BRCA2: variants seen among roughly 807,000 people sequenced by gnomAD.
The protein encoded by BRCA2 is BRCA2 DNA repair associated.
In BRCA2, 203 loss-of-function variants were observed where a neutral mutation model predicts 276.7. That is an observed-to-expected ratio of 0.73 (90% CI 0.65 to 0.82). The LOEUF is 0.82. BRCA2 is among the 40% of genes least tolerant of loss of function. The pLI is 0.00. For missense variants in BRCA2, 3,920 were observed against 3,915.0 expected, an observed-to-expected ratio of 1.00 and a Z score of -0.03; for synonymous variants, 1,289 against 1,338.4, an observed-to-expected ratio of 0.96 and a Z score of 0.81.
intron 10 of BRCA2, 83 bp from the exon 11 acceptor site, chr13:32,336,182 C>G (rs2137481264): frequency 2.1e-6 from 3 of 1,451,264 alleles, no homozygotes; most frequent in Non-Finnish European, 2.8e-6. Flanking sequence ...TGCCCAAACA[C>G]TACCTTTTTA....
rs1566219495 is a variant in BRCA2, at chr13:32,326,696, T to C, written c.631+83T>C. On this transcript the variant is annotated intron_variant, in intron 7 of 26. Transcript: ENST00000380152. ...CTCTAATACTTCTGTTAAAAGGAAA[T>C]ATGAAAAGAAAATATTAGATAATGT... 4 of 1,047,570 alleles carry C rather than the reference T, an allele frequency of 3.8e-6. No individual in the cohort carries two copies. The African/African-American group carries it at 4.8e-5, about 13-fold the overall frequency. 64.9% of individuals were successfully genotyped at this position (1,047,570 alleles called of 1,614,324 possible).
chr13:32,356,631 T>G (rs1229109544), intron 15 of BRCA2, 22 bp downstream of exon 15: 1 of 1,611,608 alleles, frequency 6.2e-7, no homozygotes, highest in Non-Finnish European at 8.5e-7. Flanking sequence ...TCTACAATAC[T>G]GATGGCTTTT....
rs2137582491 is a variant in BRCA2, at chr13:32,363,474, C to G, written c.8272C>G (p.Leu2758Val). ...GQKIILHGAE[L>V]VGSPDACTPL... ...GAAGATTATTCTTCATGGAGCAGAA[C>G]TGGTGGGCTCTCCTGATGCCTGTAC... The change falls in exon 18 of 27, where the codon CTG becomes GTG. Residue 2758 changes from leucine to valine, a missense_variant. Leu to Val is a conservative substitution (Grantham distance 32). Around this residue, in one of 2 missense-constraint regions of BRCA2, gnomAD observed 3,263 missense variants for 3,156.9 expected, o/e 1.03. Transcript: ENST00000380152. The G allele has an allele frequency of 6.2e-7, 1 of 1,614,116 alleles. No individual in the cohort carries two copies. Among genetic ancestry groups the G allele is most frequent in the East Asian group, 2.2e-5 (1 of 44,884 alleles).
At chr13:32,326,884 A>G (rs538092350) in intron 7 of BRCA2, among the ~76,000 whole-genome samples, 160 of 152,362 alleles carry the variant, frequency 1.1e-3, no homozygotes, top group African/African-American at 3.8e-3. Context: ...ACTGGCCTAT[A>G]TAAGCGTTTA....
chr13:32,367,487 T>G (rs559201802), intron 18 of BRCA2, among the ~76,000 whole-genome samples: 2 of 151,378 alleles, frequency 1.3e-5, no homozygotes, highest in East Asian at 3.9e-4. Flanking sequence ...TCATAACAAA[T>G]GATAACTTCT....
rs1378000967 is a variant in BRCA2 at position 32,350,404 on chromosome 13, AAATT to A, written c.7007+3511_7007+3514del. On this transcript the variant is annotated intron_variant, in intron 13 of 26. Coordinates refer to ENST00000380152, the MANE Select transcript of BRCA2 (RefSeq NM_000059.4). ...TACATAGAAAATAAGCAGATTTTAA[AAATT>A]AACTCAAGAGAAAGCAAAAGTTGTA... 4.6e-5 allele frequency among the ~76,000 whole-genome samples: 7 copies of A among 152,324 alleles called. No individual in the cohort carries two copies. The South Asian group carries it at 1.4e-3, about 32-fold the overall frequency.
intron 18 of BRCA2, among the ~76,000 whole-genome samples, chr13:32,367,360 C>T (rs937392625): frequency 6.6e-6 from 1 of 151,928 alleles, no homozygotes; most frequent in Non-Finnish European, 1.5e-5. Context: ...TTGCTTGAAC[C>T]CAGGAAGCGG....
chr13:32,318,618 T>G (rs571152382), intron 2 of BRCA2, among the ~76,000 whole-genome samples: 1 of 152,084 alleles, frequency 6.6e-6, no homozygotes, highest in Non-Finnish European at 1.5e-5. Flanking sequence ...ATTTTTTGTG[T>G]TTTTAGTAAA....
At chr13:32,387,483 G>A (rs1024094483) in intron 24 of BRCA2, among the ~76,000 whole-genome samples, 1 of 152,138 alleles carries the variant, frequency 6.6e-6, no homozygotes, top group Admixed American at 6.5e-5. Context: ...TAACGGCAGT[G>A]TCTGGGAAGA....
rs876661261 is a variant in BRCA2, at chr13:32,344,575, A to G, written c.6859A>G (p.Arg2287Gly). ...LILVGEPSIK[R>G]NLLNEFDRII... ...CTTTTTAGGAGAACCCTCAATCAAA[A>G]GAAACTTATTAAATGAATTTGACAG... The change falls in exon 12 of 27, where the codon AGA (arginine) becomes GGA (glycine). Residue 2287 changes from arginine (R) to glycine (G), a missense_variant. Coordinates refer to ENST00000380152, the MANE Select transcript of BRCA2 (RefSeq NM_000059.4). 1 of 1,556,226 alleles carries G rather than the reference A, an allele frequency of 6.4e-7. No individual in the cohort carries two copies. The highest frequency in any genetic ancestry group is 8.8e-7 in the Non-Finnish European group (1 of 1,130,060).
rs758549180 is a variant in BRCA2, at chr13:32,363,320, T to C, written c.8118T>C (p.Asn2706=). 1.2e-6 allele frequency: 2 copies of C among 1,614,178 alleles called. No individual in the cohort carries two copies. The highest frequency in any genetic ancestry group is 1.1e-5 in the South Asian group (1 of 91,082). The change falls in exon 18 of 27, where the codon AAT becomes AAC. Residue 2706 remains asparagine, a synonymous_variant. Coordinates refer to ENST00000380152, the MANE Select transcript of BRCA2 (RefSeq NM_000059.4). ...LSANISETSS[N]KTSSADTQKV... ...CAAATATATCTGAAACTTCTAGCAA[T>C]AAAACTAGTAGTGCAGATACCCAAA...
rs1593903713 is a variant in BRCA2, at chr13:32,339,250, G to A, written c.4895G>A (p.Ser1632Asn). The change falls in exon 11 of 27, where the codon AGT becomes AAT. Residue 1632 changes from serine (S) to asparagine (N), a missense_variant. Ser to Asn is a conservative substitution (Grantham distance 46). Transcript: ENST00000380152. ...RQTENLKTSK[S>N]IFLKVKVHEN... ...ACTGAAAATCTCAAAACATCAAAAA[G>A]TATCTTTTTGAAAGTTAAAGTACAT... 6.2e-7 allele frequency: 1 copy of A among 1,612,870 alleles called. No homozygotes were observed. Among genetic ancestry groups the A allele is most frequent in the Non-Finnish European group, 8.5e-7 (1 of 1,179,586 alleles).
At chr13:32,363,065 T>C in intron 17 of BRCA2, 114 bp from the exon 18 acceptor site, 1 of 900,296 alleles carries the variant, frequency 1.1e-6, no homozygotes, top group Non-Finnish European at 1.7e-6. Context: ...TTTTTAATTC[T>C]CAGTATTTCT....
chr13:32,351,267 A>T (rs1210578365), intron 13 of BRCA2, among the ~76,000 whole-genome samples: 1 of 152,218 alleles, frequency 6.6e-6, no homozygotes, highest in Non-Finnish European at 1.5e-5. Flanking sequence ...CAGCAAGACC[A>T]CGAACCCACC....
At chr13:32,378,153 A>C (rs959241517) in intron 21 of BRCA2, among the ~76,000 whole-genome samples, 1 of 152,210 alleles carries the variant, frequency 6.6e-6, no homozygotes, top group Non-Finnish European at 1.5e-5. Flanking sequence ...GATAGCTTTA[A>C]TTTCATCCAC....
Position 32,363,289 on chromosome 13 carries a change from T to C in BRCA2, c.8087T>C (p.Leu2696Ser). The C allele has an allele frequency of 6.2e-7, 1 of 1,614,178 alleles. No homozygotes were observed. The highest frequency in any genetic ancestry group is 8.5e-7 in the Non-Finnish European group (1 of 1,180,016). Residue 2696 changes from leucine (L) to serine (S), a missense_variant, in exon 18 of 27, where the codon TTG becomes TCG. Physicochemically the swap from Leu to Ser is moderately radical, Grantham distance 145. This residue lies in a region of BRCA2 where 3,263 missense variants were observed against 3,156.9 expected (regional missense o/e 1.03). Coordinates refer to ENST00000380152, the MANE Select transcript of BRCA2 (RefSeq NM_000059.4). ...LVLCVSDIISLSANISETSSN... is the reference protein window; with the variant it reads ...LVLCVSDIISSSANISETSSN... ...CTCTGTGTTTCTGACATAATTTCAT[T>C]GAGCGCAAATATATCTGAAACTTCT...
At chr13:32,371,122 A>G in intron 20 of BRCA2, 22 bp downstream of exon 20, 1 of 1,609,072 alleles carries the variant, frequency 6.2e-7, no homozygotes. Flanking sequence ...TATATGGTAC[A>G]CATTGTTATT....
At position 32,315,538 on chromosome 13, in the gene BRCA2, C is replaced by G. The variant is rs1381955533; in HGVS notation, c.-169C>G. 1 of 152,332 alleles carries G rather than the reference C, an allele frequency of 6.6e-6. No individual in the cohort carries two copies. The highest frequency in any genetic ancestry group is 1.5e-5 in the Non-Finnish European group (1 of 68,094). The allele number at this position is 152,332 out of a possible 1,614,324, so 9.4% of individuals were successfully genotyped here. A position where few individuals can be genotyped will look rare whatever the true frequency, so the allele number is the denominator to read the frequency against. On this transcript the variant is annotated 5_prime_UTR_variant, in exon 1 of 27. Transcript: ENST00000380152. ...CGGAGCCGCTGTGGCACTGCTGCGC[C>G]TCTGCTGCGCCTCGGGTGTCTTTTG...
At chr13:32,386,645 A>T (rs2072962820) in intron 24 of BRCA2, among the ~76,000 whole-genome samples, 1 of 152,148 alleles carries the variant, frequency 6.6e-6, no homozygotes. Context: ...CACTAAAATA[A>T]AGTGAGAAGG....
Sources: gnomAD v4.1 joint callset for allele counts (sites outside exome capture counted in the v4.1 genomes callset) on GRCh38, gnomAD v4.1.1 for gene constraint, gnomAD v4.1.1 regional missense constraint, MANE v1.5 for transcripts, NCBI Gene and HGNC (gene_info 2026-07-23, HGNC 2026-07-21) for gene names.